The following STXBP5L variants were observed in gnomAD, a reference collection of about 807,000 sequenced individuals.
STXBP5L encodes the protein syntaxin-binding protein 5-like.
A neutral mutation model predicts 144.5 loss-of-function variants in STXBP5L; 65 were observed. The observed-to-expected ratio is 0.45, with a 90% CI of 0.37 to 0.55. The LOEUF (loss-of-function observed/expected upper bound fraction) is 0.55. STXBP5L is among the 20% of genes least tolerant of loss of function. The pLI, the probability that STXBP5L is intolerant of heterozygous loss-of-function variation, is 0.00. For synonymous variants in STXBP5L, 505 were observed against 469.6 expected, an observed-to-expected ratio of 1.08 and a Z score of -0.97; for missense variants, 1,298 against 1,405.5, an observed-to-expected ratio of 0.92 and a Z score of 1.22.
chr3:121,030,893 T>G (rs777885428), intron 3 of STXBP5L, among the ~76,000 whole-genome samples: 3 of 151,658 alleles, frequency 2.0e-5, no homozygotes, highest in Non-Finnish European at 4.4e-5. Flanking sequence ...AGAAAGGGAG[T>G]TTATTAAATG....
intron 2 of STXBP5L, among the ~76,000 whole-genome samples, chr3:120,953,629 T>C (rs1468281017): frequency 2.0e-5 from 3 of 151,958 alleles, no homozygotes; most frequent in African/African-American, 7.2e-5. Context: ...TGGGCCACTG[T>C]GCCTAGCCCA....
chr3:121,398,169 A>G (rs2046780287), intron 22 of STXBP5L, among the ~76,000 whole-genome samples: 1 of 152,228 alleles, frequency 6.6e-6, no homozygotes, highest in African/African-American at 2.4e-5. Flanking sequence ...AGATATAACA[A>G]TTTGAATTTC....
intron 20 of STXBP5L, among the ~76,000 whole-genome samples, chr3:121,349,235 C>T (rs1254243055): frequency 2.0e-5 from 3 of 152,086 alleles, no homozygotes; most frequent in Admixed American, 6.6e-5. Flanking sequence ...CATTCAGGAG[C>T]AGGTTGTTCA....
chr3:121,412,347 A>T (rs537728649), intron 23 of STXBP5L, among the ~76,000 whole-genome samples: 4 of 152,254 alleles, frequency 2.6e-5, no homozygotes, highest in Admixed American at 6.5e-5. Flanking sequence ...GCACATGTAG[A>T]AGTTAAGAGC....
intron 5 of STXBP5L, among the ~76,000 whole-genome samples, chr3:121,066,362 G>GTATA (rs35546907): frequency 0.18 from 26,595 of 145,916 alleles, 2,542 homozygotes; most frequent in Admixed American, 0.28. Context: ...TCCTATAAGC[G>GTATA]TATATATATA....
In STXBP5L at chr3:121,170,617, A is replaced by G. The variant is rs139475182; in HGVS notation, c.877+12990A>G. Among the ~76,000 whole-genome samples the G allele has an allele frequency of 5.9e-3, 900 of 152,310 alleles. 8 individuals carry two copies. The highest frequency in any genetic ancestry group is 0.02 in the African/African-American group (830 of 41,562). On this transcript the variant is annotated intron_variant, in intron 9 of 26. Transcript: ENST00000471454. ...AAGAAATGGATAAATTCCTAACCACATATACCCTCCCAAGACTAAACCAGG... is the reference window on the plus strand; with the variant it reads ...AAGAAATGGATAAATTCCTAACCACGTATACCCTCCCAAGACTAAACCAGG...
At chr3:120,968,988 G>T (rs1271773571) in intron 3 of STXBP5L, among the ~76,000 whole-genome samples, 1 of 151,926 alleles carries the variant, frequency 6.6e-6, no homozygotes, top group Non-Finnish European at 1.5e-5. Context: ...ATTGTGAATT[G>T]TGCCACCATA....
chr3:121,151,905 C>A (rs888688340), intron 7 of STXBP5L, among the ~76,000 whole-genome samples: 1 of 151,688 alleles, frequency 6.6e-6, no homozygotes, highest in East Asian at 1.9e-4. Flanking sequence ...TAAAATTCTT[C>A]TATTTTAAAG....
intron 7 of STXBP5L, among the ~76,000 whole-genome samples, chr3:121,134,087 C>A (rs1288005089): frequency 6.6e-6 from 1 of 152,026 alleles, no homozygotes; most frequent in African/African-American, 2.4e-5. Flanking sequence ...CTGAGAAATT[C>A]ATAAAGAAAA....
At chr3:121,173,171 G>A (rs2046795041) in intron 9 of STXBP5L, among the ~76,000 whole-genome samples, 1 of 151,946 alleles carries the variant, frequency 6.6e-6, no homozygotes, top group African/African-American at 2.4e-5. Flanking sequence ...ACACAATGGG[G>A]CCTGTTAGGG....
intron 3 of STXBP5L, among the ~76,000 whole-genome samples, chr3:121,005,129 C>T (rs1214251864): frequency 3.3e-5 from 5 of 152,174 alleles, no homozygotes; most frequent in Non-Finnish European, 7.4e-5. Context: ...AGGAATGTTA[C>T]CAGCTCCTCC....
chr3:120,975,074 G>A (rs12634397), intron 3 of STXBP5L, among the ~76,000 whole-genome samples: 1 of 152,056 alleles, frequency 6.6e-6, no homozygotes, highest in Non-Finnish European at 1.5e-5. Flanking sequence ...TTCCAATTCT[G>A]TGAAGAAAGT....
At chr3:121,179,773 T>G (rs2047070357) in intron 9 of STXBP5L, among the ~76,000 whole-genome samples, 1 of 151,886 alleles carries the variant, frequency 6.6e-6, no homozygotes, top group Non-Finnish European at 1.5e-5. Context: ...AAAGACACAC[T>G]TAGGGAAATA....
chr3:121,164,331 CA>C (rs1483255626), intron 9 of STXBP5L, among the ~76,000 whole-genome samples: 1 of 152,014 alleles, frequency 6.6e-6, no homozygotes, highest in Non-Finnish European at 1.5e-5. Flanking sequence ...TGGCTGTTAT[CA>C]AAAAGAAATC....
chr3:121,166,253 A>G (rs2046494373), intron 9 of STXBP5L, among the ~76,000 whole-genome samples: 1 of 151,974 alleles, frequency 6.6e-6, no homozygotes, highest in African/African-American at 2.4e-5. Context: ...TGATCCTTCA[A>G]CCTCAGCCTC....
chr3:121,339,400 GA>G (rs751594422), intron 20 of STXBP5L, among the ~76,000 whole-genome samples: 1 of 152,054 alleles, frequency 6.6e-6, no homozygotes, highest in Non-Finnish European at 1.5e-5. Flanking sequence ...ATTAGATATA[GA>G]AGGAACATAT....
At chr3:121,087,971 A>G (rs779835820) in intron 5 of STXBP5L, among the ~76,000 whole-genome samples, 2 of 152,152 alleles carry the variant, frequency 1.3e-5, no homozygotes, top group African/African-American at 4.8e-5. Context: ...TCTCTCATTT[A>G]TAATAAATTT....
At chr3:121,098,460 G>A (rs2043242828) in intron 5 of STXBP5L, among the ~76,000 whole-genome samples, 1 of 152,174 alleles carries the variant, frequency 6.6e-6, no homozygotes, top group Non-Finnish European at 1.5e-5. Context: ...TGCCATGGTG[G>A]TGCTGTCCTC....
chr3:120,915,584 T>G (rs1709063704), intron 2 of STXBP5L, among the ~76,000 whole-genome samples: 1 of 152,132 alleles, frequency 6.6e-6, no homozygotes, highest in South Asian at 2.1e-4. Context: ...TGACAGTTAT[T>G]TTCTTTTTTA....
Sources: gnomAD v4.1 joint callset for allele counts (sites outside exome capture counted in the v4.1 genomes callset) on GRCh38, gnomAD v4.1.1 for gene constraint, MANE v1.5 for transcripts, NCBI Gene and HGNC (gene_info 2026-07-23, HGNC 2026-07-21) for gene names.